ARL15: variants seen among roughly 807,000 people sequenced by gnomAD.
ARL15 encodes the protein ARF like GTPase 15.
In ARL15, 19 loss-of-function variants were observed where a neutral mutation model predicts 25.2. The observed-to-expected ratio is 0.75, with a 90% CI of 0.53 to 1.10. ARL15 has a LOEUF of 1.10. Among genes scored for constraint, ARL15 ranks in the 50% least tolerant of loss-of-function variants. The pLI is 0.00. For missense variants in ARL15, 220 were observed against 246.0 expected, an observed-to-expected ratio of 0.89 and a Z score of 0.71; for synonymous variants, 94 against 86.8, an observed-to-expected ratio of 1.08 and a Z score of -0.46.
intron 4 of ARL15, among the ~76,000 whole-genome samples, chr5:53,934,929 G>A (rs956583053): frequency 1.3e-5 from 2 of 152,136 alleles, no homozygotes; most frequent in African/African-American, 4.8e-5. Context: ...GCTATGATCT[G>A]ATTTTAAAAA....
intron 4 of ARL15, among the ~76,000 whole-genome samples, chr5:53,936,329 T>C (rs1746347978): frequency 6.6e-6 from 1 of 152,218 alleles, no homozygotes; most frequent in Admixed American, 6.5e-5. Context: ...CCTCACAGTT[T>C]AGCAATCCTT....
chr5:54,113,841 A>G (rs1334873192), intron 3 of ARL15, among the ~76,000 whole-genome samples: 3 of 152,174 alleles, frequency 2.0e-5, no homozygotes, highest in Non-Finnish European at 4.4e-5. Context: ...AACCATTAAC[A>G]TTAGCTTGGT....
chr5:53,991,561 A>G (rs867690004), intron 4 of ARL15, among the ~76,000 whole-genome samples: 3,542 of 91,354 alleles, frequency 0.039, 47 homozygotes, highest in Non-Finnish European at 0.06. Context: ...AAAAAAAAAA[A>G]GGGGGGGCGG....
At chr5:54,029,318 C>CA (rs1561194960) in intron 4 of ARL15, among the ~76,000 whole-genome samples, 14 of 116,088 alleles carry the variant, frequency 1.2e-4, no homozygotes, top group East Asian at 2.5e-4. Context: ...CCACCACCAC[C>CA]ACCACCACCA....
intron 4 of ARL15, among the ~76,000 whole-genome samples, chr5:53,945,293 G>T (rs1311871594): frequency 2.0e-5 from 3 of 152,186 alleles, no homozygotes; most frequent in African/African-American, 7.2e-5. Flanking sequence ...ACACGGACAT[G>T]TTTGTCGTTT....
intron 4 of ARL15, among the ~76,000 whole-genome samples, chr5:53,953,107 T>C (rs1013899547): frequency 2.6e-5 from 4 of 152,196 alleles, no homozygotes; most frequent in Non-Finnish European, 5.9e-5. Flanking sequence ...TATAAATATT[T>C]ATATGTATGC....
Position 54,156,913 on chromosome 5 carries a change from A to T in ARL15, c.194-2274T>A, listed in dbSNP as rs569656897. Among the ~76,000 whole-genome samples the T allele has an allele frequency of 2.6e-4, 40 of 152,358 alleles. No individual in the cohort carries two copies. In the South Asian group the frequency reaches 5.8e-3, roughly 22 times the overall value. On this transcript the variant is annotated intron_variant, in intron 2 of 4. Coordinates refer to ENST00000504924, the MANE Select transcript of ARL15 (RefSeq NM_019087.3). ...GGCCTCTGGGAAATTAAGGAAAGTC[A>T]GTGCCAATCATAATATTCCTGCTGG...
At chr5:53,933,277 T>C (rs1746250750) in intron 4 of ARL15, among the ~76,000 whole-genome samples, 1 of 151,944 alleles carries the variant, frequency 6.6e-6, no homozygotes, top group South Asian at 2.1e-4. Context: ...ACATAGGATA[T>C]AGGGAGGGTG....
At chr5:54,212,259 G>A (rs1756064360) in intron 1 of ARL15, among the ~76,000 whole-genome samples, 1 of 152,140 alleles carries the variant, frequency 6.6e-6, no homozygotes, top group Non-Finnish European at 1.5e-5. Context: ...TTAAACAAAT[G>A]AGACTTAATT....
chr5:53,990,243 A>T (rs1748439349), intron 4 of ARL15, among the ~76,000 whole-genome samples: 1 of 89,010 alleles, frequency 1.1e-5, no homozygotes, highest in Non-Finnish European at 2.5e-5. Context: ...TAAAAAAAAA[A>T]TAGTTAAAAA....
intron 3 of ARL15, among the ~76,000 whole-genome samples, chr5:54,126,832 TTTTAA>T (rs1753268235): frequency 6.6e-6 from 1 of 151,996 alleles, no homozygotes; most frequent in Non-Finnish European, 1.5e-5. Context: ...TTTTGTATTT[TTTTAA>T]TTTATTTTTA....
At chr5:54,216,602 C>T (rs567120517) in intron 1 of ARL15, among the ~76,000 whole-genome samples, 120 of 151,692 alleles carry the variant, frequency 7.9e-4, no homozygotes, top group African/African-American at 2.8e-3. Flanking sequence ...TAATAGTTGT[C>T]TCTATATTAT....
chr5:54,296,222 A>G (rs985497377), intron 1 of ARL15, among the ~76,000 whole-genome samples: 5 of 152,330 alleles, frequency 3.3e-5, no homozygotes, highest in Middle Eastern at 3.4e-3. Flanking sequence ...TAGGGGGAAA[A>G]TGAATCGAAA....
intron 4 of ARL15, among the ~76,000 whole-genome samples, chr5:54,101,134 ATGAG>A (rs1752424232): frequency 6.6e-6 from 1 of 152,250 alleles, no homozygotes; most frequent in African/African-American, 2.4e-5. Context: ...TGTAAACAAA[ATGAG>A]TGAGAGAAGA....
rs116264108 is a variant in ARL15, at chr5:54,105,188, T to C, written c.462+8014A>G. On this transcript the variant is annotated intron_variant, in intron 4 of 4. Coordinates refer to ENST00000504924, the MANE Select transcript of ARL15 (RefSeq NM_019087.3). ...TTTATTAACTTTGTAAGCTATGGAA[T>C]GTGTAGTGACTGAGTTCTCTTTTGC... Among the ~76,000 whole-genome samples, 325 of 152,180 alleles carry C rather than the reference T, an allele frequency of 2.1e-3. 1 individual carries two copies. Among genetic ancestry groups the C allele is most frequent in the African/African-American group, 7.6e-3 (314 of 41,552 alleles).
chr5:53,922,268 T>C (rs1745879326), intron 4 of ARL15, among the ~76,000 whole-genome samples: 1 of 152,224 alleles, frequency 6.6e-6, no homozygotes, highest in Non-Finnish European at 1.5e-5. Context: ...CACTGTTCCC[T>C]TGCCTGTGTT....
chr5:53,960,251 C>T (rs1196641977), intron 4 of ARL15, among the ~76,000 whole-genome samples: 2 of 152,132 alleles, frequency 1.3e-5, no homozygotes, highest in African/African-American at 4.8e-5. Flanking sequence ...ATAAACATTT[C>T]CTGGTGCATA....
chr5:54,094,144 C>T (rs1451702740), intron 4 of ARL15, among the ~76,000 whole-genome samples: 2 of 152,142 alleles, frequency 1.3e-5, no homozygotes, highest in East Asian at 1.9e-4. Context: ...ACCTGCTTAG[C>T]AAATGTCATA....
At chr5:53,912,424 C>T (rs1020847108) in intron 4 of ARL15, among the ~76,000 whole-genome samples, 1 of 152,150 alleles carries the variant, frequency 6.6e-6, no homozygotes, top group Non-Finnish European at 1.5e-5. Flanking sequence ...TGAAATCCAA[C>T]AGTATGTAAC....
Sources: allele counts gnomAD v4.1 joint callset (sites outside exome capture counted in the v4.1 genomes callset), GRCh38; gene constraint gnomAD v4.1.1; transcripts MANE v1.5; gene names NCBI Gene and HGNC (gene_info 2026-07-23, HGNC 2026-07-21).